The following CCDC178 variants were observed in gnomAD, a reference collection of about 807,000 sequenced individuals.
CCDC178 encodes the protein coiled-coil domain containing 178, also known as coiled-coil domain-containing protein 178.
CCDC178 carries 126 observed loss-of-function variants against 117.4 expected under a neutral mutation model. That is an observed-to-expected ratio of 1.07 (90% CI 0.93 to 1.24). The LOEUF (loss-of-function observed/expected upper bound fraction) is 1.24. Among genes scored for constraint, CCDC178 ranks in the 50% most tolerant of loss-of-function variants. CCDC178 has a pLI of 0.00. For synonymous variants in CCDC178, 283 were observed against 313.4 expected (o/e 0.90, Z 1.02); for missense variants, 1,030 against 986.9 (o/e 1.04, Z -0.59).
intron 21 of CCDC178, among the ~76,000 whole-genome samples, chr18:33,019,921 ATTATTATTATTAT>A (rs1225152795): frequency 8.7e-5 from 2 of 22,864 alleles, no homozygotes; most frequent in East Asian, 5.1e-3. Flanking sequence ...AGATATTATT[ATTATTATTATTAT>A]TATTATTATT....
At chr18:33,298,809 C>T (rs184588527) in intron 11 of CCDC178, among the ~76,000 whole-genome samples, 558 of 151,976 alleles carry the variant, frequency 3.7e-3, no homozygotes, top group Non-Finnish European at 6.4e-3. Flanking sequence ...CATCAACATA[C>T]AAAAATCAGC....
At chr18:33,199,619 C>T (rs1462542652) in intron 20 of CCDC178, among the ~76,000 whole-genome samples, 2 of 152,166 alleles carry the variant, frequency 1.3e-5, no homozygotes, top group African/African-American at 4.8e-5. Context: ...TCCTATACTT[C>T]GTTTTTTAAT....
intron 21 of CCDC178, among the ~76,000 whole-genome samples, chr18:33,076,908 T>C (rs1197441718): frequency 2.0e-5 from 3 of 152,194 alleles, no homozygotes; most frequent in Admixed American, 2.0e-4. Context: ...CAAGATCTTC[T>C]GGTAAACATA....
chr18:32,968,345 T>C (rs1382820181), intron 22 of CCDC178, among the ~76,000 whole-genome samples: 2 of 152,082 alleles, frequency 1.3e-5, no homozygotes, highest in Non-Finnish European at 2.9e-5. Context: ...TTTTTATGGC[T>C]GAATGGTATT....
At chr18:33,317,359 C>T (rs2062434241) in intron 11 of CCDC178, among the ~76,000 whole-genome samples, 1 of 152,120 alleles carries the variant, frequency 6.6e-6, no homozygotes, top group African/African-American at 2.4e-5. Flanking sequence ...GACCACGAAC[C>T]CACCAGAAGG....
intron 5 of CCDC178, among the ~76,000 whole-genome samples, chr18:33,374,295 C>T (rs2063337137): frequency 6.6e-6 from 1 of 152,130 alleles, no homozygotes; most frequent in Non-Finnish European, 1.5e-5. Context: ...AGAAAATTCA[C>T]AACTTAATAT....
intron 14 of CCDC178, among the ~76,000 whole-genome samples, chr18:33,266,040 T>A (rs541311264): frequency 1.3e-5 from 2 of 152,062 alleles, no homozygotes; most frequent in South Asian, 4.1e-4. Flanking sequence ...CAGGAAAAAT[T>A]GAGAGTGGAC....
chr18:32,987,938 G>A (rs907654827), intron 21 of CCDC178, among the ~76,000 whole-genome samples: 13 of 151,730 alleles, frequency 8.6e-5, no homozygotes, highest in Non-Finnish European at 1.8e-4. Context: ...TCTCTACTGC[G>A]TGGTGGCAGA....
At chr18:33,173,584 GT>G (rs2058630040) in intron 20 of CCDC178, among the ~76,000 whole-genome samples, 1 of 152,130 alleles carries the variant, frequency 6.6e-6, no homozygotes, top group Non-Finnish European at 1.5e-5. Flanking sequence ...TAAAGTTAAT[GT>G]TTCCTGCATA....
chr18:33,142,428 GAATAAA>G lies in CCDC178; in HGVS notation c.2239-49524_2239-49519del, dbSNP rs1265202940. 2.6e-5 allele frequency among the ~76,000 whole-genome samples: 4 copies of G among 152,252 alleles called. No homozygotes were observed. In the East Asian group the frequency reaches 7.7e-4, roughly 29 times the overall value. ...TTTTGAACAATACAGTATCATGATA[GAATAAA>G]ATGAGGAAGAGAGAAGAGTAAATGG... On this transcript the variant is annotated intron_variant, in intron 20 of 22. Transcript: ENST00000383096.
At chr18:33,199,129 T>C (rs1383604174) in intron 20 of CCDC178, among the ~76,000 whole-genome samples, 2 of 152,110 alleles carry the variant, frequency 1.3e-5, no homozygotes, top group African/African-American at 2.4e-5. Context: ...CAACTGTTTG[T>C]ATTAATTAAA....
intron 3 of CCDC178, among the ~76,000 whole-genome samples, chr18:33,404,562 G>A (rs552306535): frequency 1.3e-5 from 2 of 151,960 alleles, no homozygotes; most frequent in Non-Finnish European, 2.9e-5. Context: ...TACTAATAAA[G>A]TTAAACACTG....
At chr18:33,143,368 A>G (rs1598926680) in intron 20 of CCDC178, among the ~76,000 whole-genome samples, 1 of 152,124 alleles carries the variant, frequency 6.6e-6, no homozygotes, top group Non-Finnish European at 1.5e-5. Context: ...ACCAAAGACT[A>G]TTTTTGTGGT....
intron 10 of CCDC178, among the ~76,000 whole-genome samples, chr18:33,326,158 G>A (rs568922554): frequency 6.6e-6 from 1 of 152,312 alleles, no homozygotes; most frequent in African/African-American, 2.4e-5. Flanking sequence ...GCAGCAAGCT[G>A]GAGCTATAGG....
intron 20 of CCDC178, among the ~76,000 whole-genome samples, chr18:33,145,666 G>T (rs1026582490): frequency 6.6e-6 from 1 of 152,182 alleles, no homozygotes; most frequent in Non-Finnish European, 1.5e-5. Flanking sequence ...AATGGGTCAT[G>T]AACAGAATAC....
rs972218872 is a variant in CCDC178 at position 33,238,982 on chromosome 18, C to T, written c.1593+6263G>A. On this transcript the variant is annotated intron_variant, in intron 15 of 22. Coordinates refer to ENST00000383096, the MANE Select transcript of CCDC178 (RefSeq NM_001105528.4). ...ATAATGGGATGGTATATTTAAAAGG[C>T]TTAAAAAAAACCCCTGCCAGCCAAG... Among the ~76,000 whole-genome samples, 10 of 151,788 alleles carry T rather than the reference C, an allele frequency of 6.6e-5. No individual in the cohort carries two copies. The South Asian group carries it at 2.1e-3, about 32-fold the overall frequency.
chr18:33,293,086 T>C (rs1413383210), intron 12 of CCDC178, 73 bp downstream of exon 12: 4 of 1,067,880 alleles, frequency 3.7e-6, no homozygotes, highest in African/African-American at 1.7e-5. Flanking sequence ...TATTTAATTA[T>C]TGACAAAAAA....
intron 18 of CCDC178, among the ~76,000 whole-genome samples, chr18:33,218,896 G>A (rs977188574): frequency 6.6e-5 from 10 of 152,078 alleles, no homozygotes; most frequent in African/African-American, 1.9e-4. Context: ...GACGCCTCTA[G>A]CTTTGCTCTT....
chr18:33,408,919 T>G (rs2063816520), intron 3 of CCDC178, among the ~76,000 whole-genome samples: 1 of 152,208 alleles, frequency 6.6e-6, no homozygotes, highest in Non-Finnish European at 1.5e-5. Flanking sequence ...CAATAAAAAT[T>G]GTTAGCCCAA....
Sources: allele counts gnomAD v4.1 joint callset (sites outside exome capture counted in the v4.1 genomes callset), GRCh38; gene constraint gnomAD v4.1.1; transcripts MANE v1.5; gene names NCBI Gene and HGNC (gene_info 2026-07-23, HGNC 2026-07-21).